PIGK: variants seen among roughly 807,000 people sequenced by gnomAD.
PIGK encodes phosphatidylinositol glycan anchor biosynthesis class K, also known as GPI-anchor transamidase.
PIGK carries 42 observed loss-of-function variants against 50.6 expected under a neutral mutation model. The ratio of observed to expected loss-of-function variants is 0.83; its 90% CI spans 0.65 to 1.07. The LOEUF is 1.07. PIGK is among the 50% of genes least tolerant of loss of function. The probability of loss-of-function intolerance (pLI) is 0.00; values close to 1 mark genes in which losing one functional copy is unlikely to be tolerated. For synonymous variants in PIGK, 151 were observed against 156.0 expected, an observed-to-expected ratio of 0.97 and a Z score of 0.24; for missense variants, 448 against 488.7, an observed-to-expected ratio of 0.92 and a Z score of 0.78.
chr1:77,188,434 AT>A (rs2100573822), intron 3 of PIGK, among the ~76,000 whole-genome samples: 1 of 152,274 alleles, frequency 6.6e-6, no homozygotes, highest in South Asian at 2.1e-4. Flanking sequence ...TTCCCACCTA[AT>A]AAATTTTGGT....
At chr1:77,145,590 A>G (rs979138242) in intron 9 of PIGK, among the ~76,000 whole-genome samples, 1 of 152,126 alleles carries the variant, frequency 6.6e-6, no homozygotes, top group Non-Finnish European at 1.5e-5. Context: ...TGAGGACTCA[A>G]TACTGTTAAG....
At chr1:77,207,991 A>G (rs1656329307) in intron 2 of PIGK, among the ~76,000 whole-genome samples, 1 of 152,144 alleles carries the variant, frequency 6.6e-6, no homozygotes, top group Non-Finnish European at 1.5e-5. Flanking sequence ...GGAGGCCAAG[A>G]TGGAAGGATC....
intron 3 of PIGK, among the ~76,000 whole-genome samples, chr1:77,189,912 T>C (rs1022603580): frequency 1.3e-5 from 2 of 151,784 alleles, no homozygotes; most frequent in Admixed American, 1.3e-4. Context: ...TCATACACTA[T>C]TTTTATGAGC....
intron 5 of PIGK, among the ~76,000 whole-genome samples, chr1:77,165,821 A>G (rs949383941): frequency 1.3e-5 from 2 of 152,200 alleles, no homozygotes; most frequent in Non-Finnish European, 2.9e-5. Flanking sequence ...ATTCATACCA[A>G]TTCTGAAGGA....
At chr1:77,106,163 T>A (rs1248136796) in intron 10 of PIGK, among the ~76,000 whole-genome samples, 1 of 152,224 alleles carries the variant, frequency 6.6e-6, no homozygotes, top group Non-Finnish European at 1.5e-5. Flanking sequence ...AAATTTACTA[T>A]AACAGGATTT....
intron 10 of PIGK, among the ~76,000 whole-genome samples, chr1:77,098,244 G>GA (rs991551901): frequency 2.7e-5 from 4 of 149,804 alleles, no homozygotes; most frequent in African/African-American, 4.9e-5. Context: ...AATAGAAGAA[G>GA]AAAAAAAAGA....
chr1:77,212,793 C>T (rs1656450753), intron 1 of PIGK, among the ~76,000 whole-genome samples: 1 of 152,056 alleles, frequency 6.6e-6, no homozygotes, highest in Non-Finnish European at 1.5e-5. Context: ...CACTGGAGCA[C>T]CCAGATGTAT....
chr1:77,163,989 G>T, intron 5 of PIGK, 47 bp from the exon 6 acceptor site: 1 of 1,000,908 alleles, frequency 1.0e-6, no homozygotes, highest in Non-Finnish European at 1.6e-6. Flanking sequence ...AATGCAAACT[G>T]CATATATCTA....
At chr1:77,156,475 G>A (rs1331950029) in intron 8 of PIGK, among the ~76,000 whole-genome samples, 1 of 152,046 alleles carries the variant, frequency 6.6e-6, no homozygotes, top group African/African-American at 2.4e-5. Flanking sequence ...ATTACAGAAT[G>A]TCCTCACTCT....
chr1:77,163,776 T>A, intron 6 of PIGK, 70 bp downstream of exon 6: 1 of 806,104 alleles, frequency 1.2e-6, no homozygotes, highest in Non-Finnish European at 2.0e-6. Context: ...AAATAAAAAT[T>A]ACAAATCTAC....
chr1:77,180,654 T>C (rs565868613), intron 3 of PIGK, among the ~76,000 whole-genome samples: 1 of 140,428 alleles, frequency 7.1e-6, no homozygotes, highest in Non-Finnish European at 1.5e-5. Context: ...TCAATCAACA[T>C]ATGTAAGATC....
chr1:77,190,193 G>C (rs1036153900), intron 3 of PIGK, among the ~76,000 whole-genome samples: 25 of 151,760 alleles, frequency 1.6e-4, no homozygotes, highest in African/African-American at 6.1e-4. Flanking sequence ...TTCAAGACCA[G>C]CCTGGGCCAC....
chr1:77,119,425 G>A (rs1317005705), intron 10 of PIGK, among the ~76,000 whole-genome samples: 1 of 152,092 alleles, frequency 6.6e-6, no homozygotes, highest in Non-Finnish European at 1.5e-5. Flanking sequence ...ATTTCTGTGT[G>A]TTTACTGCAA....
In PIGK at chr1:77,173,023, C is replaced by T. The variant is rs1008436398; in HGVS notation, c.240-3628G>A. 2.6e-5 allele frequency among the ~76,000 whole-genome samples: 4 copies of T among 152,068 alleles called. No individual in the cohort carries two copies. The South Asian group carries it at 8.3e-4, about 32-fold the overall frequency. On this transcript the variant is annotated intron_variant, in intron 3 of 10. Coordinates refer to ENST00000370812, the MANE Select transcript of PIGK (RefSeq NM_005482.3). ...CTTAGGTAGGAAAAGAAATCATTGG[C>T]TAAGTTAATCAAGGGAACCCAAGAG...
At chr1:77,148,360 C>T (rs182730483) in intron 9 of PIGK, among the ~76,000 whole-genome samples, 2 of 152,102 alleles carry the variant, frequency 1.3e-5, no homozygotes, top group South Asian at 2.1e-4. Flanking sequence ...TAAATAGCAA[C>T]ATTGTAAATA....
chr1:77,216,638 GGT>G (rs370659559), intron 1 of PIGK, among the ~76,000 whole-genome samples: 1 of 151,196 alleles, frequency 6.6e-6, no homozygotes, highest in Non-Finnish European at 1.5e-5. Context: ...TGTGTGGGGG[GGT>G]GTGTGTGTGT....
At chr1:77,215,865 T>G (rs190628293) in intron 1 of PIGK, among the ~76,000 whole-genome samples, 132 of 152,220 alleles carry the variant, frequency 8.7e-4, no homozygotes, top group African/African-American at 2.9e-3. Flanking sequence ...AATTTCAATA[T>G]CACCCAGATA....
chr1:77,219,206 G>T, intron 1 of PIGK, 104 bp downstream of exon 1: 2 of 883,638 alleles, frequency 2.3e-6, no homozygotes, highest in Non-Finnish European at 3.7e-6. Flanking sequence ...TGGGTCAGGG[G>T]CTGATTGACT....
chr1:77,119,903 T>C (rs1402358893), intron 10 of PIGK, among the ~76,000 whole-genome samples: 2 of 124,114 alleles, frequency 1.6e-5, no homozygotes, highest in African/African-American at 3.7e-5. Context: ...ACGTTATCTA[T>C]CCATTTAGAG....
Sources: gnomAD v4.1 joint callset for allele counts (sites outside exome capture counted in the v4.1 genomes callset) on GRCh38, gnomAD v4.1.1 for gene constraint, MANE v1.5 for transcripts, NCBI Gene and HGNC (gene_info 2026-07-23, HGNC 2026-07-21) for gene names.